The following PTPRM variants were observed in gnomAD, a reference collection of about 807,000 sequenced individuals.
PTPRM encodes protein tyrosine phosphatase receptor type M, also known as receptor-type tyrosine-protein phosphatase mu.
PTPRM carries 47 observed loss-of-function variants against 186.7 expected under a neutral mutation model. The observed-to-expected ratio is 0.25, with a 90% CI of 0.20 to 0.32. The LOEUF (loss-of-function observed/expected upper bound fraction) is 0.32, where lower values mean the gene tolerates loss of function less well. Ranked by LOEUF, PTPRM falls within the 10% of genes least tolerant of loss-of-function variation. The probability of loss-of-function intolerance (pLI) is 1.00; values close to 1 mark genes in which losing one functional copy is unlikely to be tolerated. For missense variants in PTPRM, 1,494 were observed against 1,865.0 expected, an observed-to-expected ratio of 0.80 and a Z score of 3.66; for synonymous variants, 668 against 674.9, an observed-to-expected ratio of 0.99 and a Z score of 0.16.
At chr18:8,123,551 T>C (rs1240115169) in intron 13 of PTPRM, among the ~76,000 whole-genome samples, 1 of 152,230 alleles carries the variant, frequency 6.6e-6, no homozygotes, top group Non-Finnish European at 1.5e-5. Flanking sequence ...ATCAATTTAT[T>C]GACAGTTCTG....
chr18:7,651,745 A>G (rs1278794421), intron 1 of PTPRM, among the ~76,000 whole-genome samples: 1 of 152,196 alleles, frequency 6.6e-6, no homozygotes, highest in Admixed American at 6.5e-5. Flanking sequence ...TTATACAAAA[A>G]TCAATTCAAG....
rs367853227 is a variant in PTPRM at position 8,253,296 on chromosome 18, C to T, written c.2636C>T (p.Pro879Leu). ...TCCCATACTTACAAGAAGCGAGAGC[C>T]GGCCGACGTGCCCTATCAGACTGGG... The part of the protein sequence containing the change: ...VQSHTYKKRE[P>L]ADVPYQTGQL... Residue 879 changes from proline (P) to leucine (L), a missense_variant, in exon 19 of 33, where the codon CCG (proline) becomes CTG (leucine). By Grantham distance (98) the Pro-to-Leu change is moderately conservative. Transcript: ENST00000580170. 2.6e-5 allele frequency: 42 copies of T among 1,597,248 alleles called. No individual in the cohort carries two copies. In the Middle Eastern group the frequency reaches 1.3e-3, roughly 50 times the overall value.
chr18:7,581,381 G>C (rs1204080983), intron 1 of PTPRM, among the ~76,000 whole-genome samples: 1 of 152,126 alleles, frequency 6.6e-6, no homozygotes, highest in African/African-American at 2.4e-5. Context: ...AAAATAAATA[G>C]GTTCTGTTAC....
At chr18:7,607,421 TTAAG>T (rs10556748) in intron 1 of PTPRM, among the ~76,000 whole-genome samples, 148,158 of 152,198 alleles carry the variant, frequency 0.97, 72,131 homozygotes, top group East Asian at 1. Context: ...CCTCTCCTAC[TTAAG>T]GAGAGGAGGC....
At chr18:8,038,707 T>A (rs1329075191) in intron 7 of PTPRM, among the ~76,000 whole-genome samples, 1 of 152,164 alleles carries the variant, frequency 6.6e-6, no homozygotes, top group Admixed American at 6.6e-5. Context: ...TTTAGGTTTT[T>A]AAGCACATAG....
At position 8,076,487 on chromosome 18, in the gene PTPRM, G is replaced by A. The variant is rs748757259; in HGVS notation, c.1474G>A (p.Gly492Arg). 6.2e-7 allele frequency: 1 copy of A among 1,609,886 alleles called. No individual in the cohort carries two copies. The highest frequency in any genetic ancestry group is 8.5e-7 in the Non-Finnish European group (1 of 1,176,990). ...PGAVPTESIQ[G>R]STFEEKIFLQ... ...TGCTGTTCCCACTGAATCCATACAA[G>A]GAAGTACCTTTGAAGAGAAGATATT... is the stretch of plus-strand genomic sequence containing the variant. The change falls in exon 9 of 33, where the codon GGA (glycine) becomes AGA (arginine). Residue 492 changes from glycine to arginine, a missense_variant. Gly to Arg is a moderately radical substitution (Grantham distance 125, BLOSUM62 -2). Around this residue, in one of 3 missense-constraint regions of PTPRM, gnomAD observed 1,107 missense variants for 1,350.2 expected, o/e 0.82. Transcript: ENST00000580170.
At chr18:7,738,226 A>G (rs2040811961) in intron 1 of PTPRM, among the ~76,000 whole-genome samples, 1 of 152,174 alleles carries the variant, frequency 6.6e-6, no homozygotes, top group Admixed American at 6.5e-5. Context: ...ATTTTTGCCA[A>G]CGAGAAGTAA....
chr18:8,314,299 C>T (rs2095291971), intron 20 of PTPRM, among the ~76,000 whole-genome samples: 1 of 152,028 alleles, frequency 6.6e-6, no homozygotes, highest in African/African-American at 2.4e-5. Context: ...GGCTGATGCC[C>T]GCAGATACAG....
At chr18:8,319,308 C>T (rs562190226) in intron 22 of PTPRM, 94 bp downstream of exon 22, 2 of 889,560 alleles carry the variant, frequency 2.2e-6, no homozygotes, top group East Asian at 5.3e-5. Flanking sequence ...GAAGATATTG[C>T]ACATTTATTG....
chr18:8,050,577 A>G (rs2087418084), intron 7 of PTPRM, among the ~76,000 whole-genome samples: 1 of 152,072 alleles, frequency 6.6e-6, no homozygotes, highest in South Asian at 2.1e-4. Context: ...TTGATTCATC[A>G]TAAGTTCTGA....
chr18:8,282,068 G>T (rs1053619689), intron 19 of PTPRM, among the ~76,000 whole-genome samples: 4 of 151,932 alleles, frequency 2.6e-5, no homozygotes, highest in African/African-American at 7.3e-5. Flanking sequence ...AAAATATAAA[G>T]AATTCTAAAA....
At chr18:8,311,538 G>A (rs1049863782) in intron 20 of PTPRM, among the ~76,000 whole-genome samples, 1 of 152,132 alleles carries the variant, frequency 6.6e-6, no homozygotes, top group Non-Finnish European at 1.5e-5. Context: ...GGTACTCTTA[G>A]GGATGTTCAG....
At chr18:8,391,704 C>T (rs540150489) in intron 31 of PTPRM, among the ~76,000 whole-genome samples, 1 of 152,156 alleles carries the variant, frequency 6.6e-6, no homozygotes, top group Non-Finnish European at 1.5e-5. Context: ...ACTGAGCTGT[C>T]TACTTACGGT....
intron 7 of PTPRM, among the ~76,000 whole-genome samples, chr18:7,981,324 T>C (rs2082540152): frequency 1.3e-5 from 2 of 152,180 alleles, no homozygotes; most frequent in African/African-American, 2.4e-5. Flanking sequence ...TCAGGAACCA[T>C]ATCTGCCTGT....
chr18:8,040,122 G>A (rs962993599), intron 7 of PTPRM, among the ~76,000 whole-genome samples: 4 of 152,168 alleles, frequency 2.6e-5, no homozygotes, highest in East Asian at 1.9e-4. Context: ...GTAGATGATT[G>A]GATGCATCCC....
At chr18:7,684,232 A>G (rs966492743) in intron 1 of PTPRM, among the ~76,000 whole-genome samples, 2 of 152,018 alleles carry the variant, frequency 1.3e-5, no homozygotes, top group African/African-American at 4.8e-5. Flanking sequence ...CCCAGGGGTT[A>G]AAGGTTGCAG....
At chr18:8,110,834 G>A (rs2091721802) in intron 11 of PTPRM, among the ~76,000 whole-genome samples, 1 of 152,194 alleles carries the variant, frequency 6.6e-6, no homozygotes, top group South Asian at 2.1e-4. Flanking sequence ...TGTGATAAGT[G>A]TGAATCTTTA....
chr18:8,306,615 A>T (rs944466330), intron 20 of PTPRM, among the ~76,000 whole-genome samples: 3 of 152,214 alleles, frequency 2.0e-5, no homozygotes, highest in African/African-American at 7.2e-5. Flanking sequence ...CCTGTTGTTA[A>T]CCACAAAACT....
chr18:8,057,417 TGATA>T (rs1370329087), intron 7 of PTPRM, among the ~76,000 whole-genome samples: 58 of 125,110 alleles, frequency 4.6e-4, no homozygotes, highest in South Asian at 2.6e-3. Flanking sequence ...TGTGATACTG[TGATA>T]CTTCTTTTTT....
Sources: allele counts gnomAD v4.1 joint callset (sites outside exome capture counted in the v4.1 genomes callset), GRCh38; gene constraint gnomAD v4.1.1; regional missense constraint gnomAD v4.1.1; transcripts MANE v1.5; gene names NCBI Gene and HGNC (gene_info 2026-07-23, HGNC 2026-07-21).